UBE2G2: variants seen among roughly 807,000 people sequenced by gnomAD.
UBE2G2 encodes ubiquitin conjugating enzyme E2 G2, also known as ubiquitin-conjugating enzyme E2 G2.
Under a neutral mutation model 23.0 loss-of-function variants are expected in UBE2G2, and 10 were observed. The observed-to-expected ratio is 0.43, with a 90% confidence interval of 0.27 to 0.74. The LOEUF (loss-of-function observed/expected upper bound fraction) is 0.74, where lower values mean the gene tolerates loss of function less well. UBE2G2 is among the 30% of genes least tolerant of loss of function. UBE2G2 has a pLI of 0.19. For missense variants in UBE2G2, 150 were observed against 218.3 expected (o/e 0.69, Z 1.97); for synonymous variants, 86 against 81.3 (o/e 1.06, Z -0.31).
In UBE2G2 at chr21:44,783,139, T is replaced by C. The variant is rs1432733268; in HGVS notation, c.125+4781A>G. The stretch of plus-strand genomic sequence containing the variant: ...AAGTTCTGAAGTTCACCAAAGAAGA[T>C]ACATGAACGGCCAATAAGCCCATTA... On this transcript the variant is annotated intron_variant, in intron 3 of 5. Transcript: ENST00000345496. Among the ~76,000 whole-genome samples the C allele has an allele frequency of 5.3e-5, 8 of 152,194 alleles. No homozygotes were observed. In the East Asian group the frequency reaches 1.5e-3, roughly 29 times the overall value.
In UBE2G2 at chr21:44,792,865, G is replaced by C. The variant is rs372110317; in HGVS notation, c.44-4770C>G. Among the ~76,000 whole-genome samples, 140 of 152,378 alleles carry C rather than the reference G, an allele frequency of 9.2e-4. 2 individuals are homozygous for C. The South Asian group carries it at 0.028, about 30-fold the overall frequency. Reference sequence around the variant, plus strand: ...GCAGTGAGAGAAGGCAGAGTGGCAAGGAGGGGCCAGCAAGGCAGGCCAAAG... The same window carrying C: ...GCAGTGAGAGAAGGCAGAGTGGCAACGAGGGGCCAGCAAGGCAGGCCAAAG... On this transcript the variant is annotated intron_variant, in intron 1 of 5. Coordinates refer to ENST00000345496, the MANE Select transcript of UBE2G2 (RefSeq NM_003343.6).
intron 1 of UBE2G2, 122 bp downstream of exon 1, chr21:44,801,584 C>G: frequency 7.6e-7 from 1 of 1,321,140 alleles, no homozygotes. Context: ...CACAGGGGGG[C>G]TCACGGTGGA....
At chr21:44,779,535 C>A (rs2082941026) in intron 3 of UBE2G2, among the ~76,000 whole-genome samples, 1 of 151,990 alleles carries the variant, frequency 6.6e-6, no homozygotes, top group African/African-American at 2.4e-5. Context: ...TGGCACCCAG[C>A]GCCCGGCAGC....
intron 1 of UBE2G2, 186 bp downstream of exon 1, chr21:44,801,520 G>A: frequency 5.4e-6 from 6 of 1,107,238 alleles, no homozygotes; most frequent in Non-Finnish European, 5.9e-6. Flanking sequence ...TTCTCTTCAC[G>A]ACTTCACGCG....
chr21:44,789,216 C>T (rs1240452112), intron 1 of UBE2G2: 1 of 152,044 alleles, frequency 6.6e-6, no homozygotes, highest in Non-Finnish European at 1.5e-5. Flanking sequence ...GAAATCCCAT[C>T]TCTACCAAAA....
rs367913215 is a variant in UBE2G2, at chr21:44,777,435, C to A, written c.126-18G>T. The A allele has an allele frequency of 7.9e-5, 127 of 1,607,638 alleles. No homozygotes were observed. The highest frequency in any genetic ancestry group is 9.9e-5 in the Non-Finnish European group (116 of 1,174,528). On this transcript the variant is annotated intron_variant, in intron 3 of 5. Transcript: ENST00000345496. ...CTGGGCCCCTAGAAGATATAAAATA[C>A]GTAGACTGAACTTCAAAGTACATTT...
chr21:44,793,132 A>G (rs141528937), intron 1 of UBE2G2, among the ~76,000 whole-genome samples: 1 of 152,364 alleles, frequency 6.6e-6, no homozygotes, highest in African/African-American at 2.4e-5. Context: ...TCTCAAGCCA[A>G]ACCGCCTAAT....
chr21:44,797,987 G>A (rs1347300135), intron 1 of UBE2G2, among the ~76,000 whole-genome samples: 1 of 152,010 alleles, frequency 6.6e-6, no homozygotes, highest in African/African-American at 2.4e-5. Context: ...CATAGAGGGA[G>A]GTCAAGATGA....
chr21:44,773,134 C>A (rs1475671427), intron 5 of UBE2G2, among the ~76,000 whole-genome samples: 1 of 152,200 alleles, frequency 6.6e-6, no homozygotes, highest in African/African-American at 2.4e-5. Context: ...AGAGTCCCTG[C>A]ATGTGTCTGA....
At chr21:44,790,489 A>C (rs1414212144) in intron 1 of UBE2G2, among the ~76,000 whole-genome samples, 1 of 152,190 alleles carries the variant, frequency 6.6e-6, no homozygotes, top group Non-Finnish European at 1.5e-5. Flanking sequence ...TGTAATCTCC[A>C]GGTGTTGAGG....
intron 1 of UBE2G2, among the ~76,000 whole-genome samples, chr21:44,799,408 T>C (rs1185089939): frequency 6.6e-6 from 1 of 152,252 alleles, no homozygotes; most frequent in Non-Finnish European, 1.5e-5. Flanking sequence ...ATCTATTGCT[T>C]AATTTAGGAG....
chr21:44,794,367 A>AACCTAAAT (rs2083068856), intron 1 of UBE2G2, among the ~76,000 whole-genome samples: 1 of 152,214 alleles, frequency 6.6e-6, no homozygotes, highest in Admixed American at 6.5e-5. Flanking sequence ...ATGGATCCCA[A>AACCTAAAT]ACCTAAATAC....
rs1219033051 is a variant in UBE2G2, at chr21:44,770,012, C to T, written c.*1365G>A. 6.6e-6 allele frequency: 1 copy of T among 152,218 alleles called. No individual in the cohort carries two copies. Among genetic ancestry groups the T allele is most frequent in the African/African-American group, 2.4e-5 (1 of 41,450 alleles). The allele number at this position is 152,218 out of a possible 1,614,324, so 9.4% of individuals were successfully genotyped here. The stretch of plus-strand genomic sequence containing the variant: ...CTGCTCAGCTGGCCCTGTTAGAGAA[C>T]ATGGGAACCACATCAAAATCCTAAG... On this transcript the variant is annotated 3_prime_UTR_variant, in exon 6 of 6. Coordinates refer to ENST00000345496, the MANE Select transcript of UBE2G2 (RefSeq NM_003343.6).
rs1406420257 is a variant in UBE2G2 at position 44,772,390 on chromosome 21, GGCTCT to G, written c.386-906_386-902del. On this transcript the variant is annotated intron_variant, in intron 5 of 5. Coordinates refer to ENST00000345496, the MANE Select transcript of UBE2G2 (RefSeq NM_003343.6). The surrounding 1 kb of genome is among the most constrained non-coding windows in gnomAD (Gnocchi z 5.4). ...TAGACCCCACTCCACGGCACCCAAA[GGCTCT>G]GCAGAGAATAGCTGAGTGGCCTCAC... Among the ~76,000 whole-genome samples, 16 of 152,214 alleles carry G rather than the reference GGCTCT, an allele frequency of 1.1e-4. No individual in the cohort carries two copies. The highest frequency in any genetic ancestry group is 7.8e-4 in the Admixed American group (12 of 15,296).
In UBE2G2 at chr21:44,771,352, G is replaced by C. The variant is rs1378911137; in HGVS notation, c.*25C>G. 2.5e-6 allele frequency: 4 copies of C among 1,601,420 alleles called. No homozygotes were observed. In the African/African-American group the frequency reaches 4.0e-5, roughly 16 times the overall value. On this transcript the variant is annotated 3_prime_UTR_variant, in exon 6 of 6. Coordinates refer to ENST00000345496, the MANE Select transcript of UBE2G2 (RefSeq NM_003343.6). This position sits in a 1 kb window ranked among gnomAD's most constrained non-coding sequence, Gnocchi z 4.6. ...AGAATGCTGAGCTGCTTGGCGGTGTGTGCGCGCCTGTGCGAGGCCAGGTCT... is the reference window on the plus strand; with the variant it reads ...AGAATGCTGAGCTGCTTGGCGGTGTCTGCGCGCCTGTGCGAGGCCAGGTCT...
chr21:44,794,567 C>T (rs2083070954), intron 1 of UBE2G2, among the ~76,000 whole-genome samples: 1 of 147,984 alleles, frequency 6.8e-6, no homozygotes, highest in East Asian at 2.0e-4. Flanking sequence ...CGGAGTCTCG[C>T]TCTGTCACCC....
In UBE2G2 at chr21:44,788,287, G is replaced by GTTTTTTTTTTTT. The variant is rs71326069; in HGVS notation, c.44-193_44-192insAAAAAAAAAAAA. On this transcript the variant is annotated intron_variant, in intron 1 of 5. Transcript: ENST00000345496. The stretch of plus-strand genomic sequence containing the variant: ...GATAACAACTACACAAAGTTTTTTT[G>GTTTTTTTTTTTT]TTTTTTTTTTGTTTTTTTTTGAGAC... 2.0e-4 allele frequency among the ~76,000 whole-genome samples: 27 copies of GTTTTTTTTTTTT among 135,612 alleles called. 1 individual carries two copies. The highest frequency in any genetic ancestry group is 3.5e-4 in the Non-Finnish European group (22 of 62,638). 89.0% of individuals were successfully genotyped at this position (135,612 alleles called of 152,430 possible). A position where few individuals can be genotyped will look rare whatever the true frequency, so the allele number is the denominator to read the frequency against.
In UBE2G2 at chr21:44,771,025, GT is replaced by G. The variant is rs2082869353; in HGVS notation, c.*351del. 5.0e-6 allele frequency: 1 copy of G among 198,410 alleles called. No individual in the cohort carries two copies. Among genetic ancestry groups the G allele is most frequent in the Admixed American group, 5.5e-5 (1 of 18,246 alleles). The allele number at this position is 198,410 out of a possible 1,614,324, so 12.3% of individuals were successfully genotyped here. On this transcript the variant is annotated 3_prime_UTR_variant, in exon 6 of 6. Coordinates refer to ENST00000345496, the MANE Select transcript of UBE2G2 (RefSeq NM_003343.6). This position sits in a 1 kb window ranked among gnomAD's most constrained non-coding sequence, Gnocchi z 4.6. ...CTGGGTATTCCATCGTCCCCTGGAA[GT>G]CTGGCAGGTACAACCCCCTCAACAC...
intron 1 of UBE2G2, among the ~76,000 whole-genome samples, chr21:44,799,350 C>T (rs782062803): frequency 6.6e-6 from 1 of 152,246 alleles, no homozygotes; most frequent in Non-Finnish European, 1.5e-5. Flanking sequence ...TTGTATATGG[C>T]ATCATCTCCT....
Sources: allele counts gnomAD v4.1 joint callset (sites outside exome capture counted in the v4.1 genomes callset), GRCh38; gene constraint gnomAD v4.1.1; non-coding constraint Gnocchi (gnomAD v3.1); transcripts MANE v1.5; gene names NCBI Gene and HGNC (gene_info 2026-07-23, HGNC 2026-07-21).